The following TCF4 variants were observed in gnomAD, a reference collection of about 807,000 sequenced individuals.
TCF4 encodes SL3-3 enhancer factor 2.
In TCF4, 3 loss-of-function variants were observed where a neutral mutation model predicts 82.1. That is an observed-to-expected ratio of 0.04 (90% confidence interval 0.02 to 0.09). The LOEUF (loss-of-function observed/expected upper bound fraction) is 0.09, where lower values mean the gene tolerates loss of function less well. Among genes scored for constraint, TCF4 ranks in the 10% least tolerant of loss-of-function variants. TCF4 has a pLI of 1.00. For missense variants in TCF4, 518 were observed against 852.7 expected (o/e 0.61, Z 4.89); for synonymous variants, 276 against 309.6 (o/e 0.89, Z 1.14).
At chr18:55,528,312 T>C (rs1476072941) in intron 3 of TCF4, among the ~76,000 whole-genome samples, 1 of 152,162 alleles carries the variant, frequency 6.6e-6, no homozygotes, top group African/African-American at 2.4e-5. Flanking sequence ...ATCAATTTCA[T>C]TTAATAAAAA....
In TCF4 at chr18:55,586,159, C is replaced by G. The variant is rs373584993; in HGVS notation, c.73-807G>C. 5.7e-3 allele frequency: 723 copies of G among 127,504 alleles called. 14 individuals are homozygous for G. In the South Asian group the frequency reaches 0.058, roughly 10 times the overall value. The allele number at this position is 127,504 out of a possible 1,614,324, so 7.9% of individuals were successfully genotyped here. On this transcript the variant is annotated intron_variant, in intron 2 of 19. Coordinates refer to ENST00000354452, the MANE Select transcript of TCF4 (RefSeq NM_001083962.2). Reference sequence around the variant, plus strand: ...GAAGGAGGAGGAGGAGGAGGAGCAGCAGCAGCAGCAGCAGCAGCAGCAGCA... The same window carrying G: ...GAAGGAGGAGGAGGAGGAGGAGCAGGAGCAGCAGCAGCAGCAGCAGCAGCA...
intron 2 of TCF4, among the ~76,000 whole-genome samples, chr18:55,617,211 G>A (rs1263144018): frequency 1.3e-5 from 2 of 152,048 alleles, no homozygotes; most frequent in African/African-American, 4.8e-5. Context: ...TTTCCCCACT[G>A]TGTTTTGTTG....
chr18:55,440,839 T>C (rs912121302), intron 5 of TCF4, among the ~76,000 whole-genome samples: 5 of 152,208 alleles, frequency 3.3e-5, no homozygotes, highest in African/African-American at 1.2e-4. Flanking sequence ...AATTTCTTAC[T>C]GTGTGTCTAT....
chr18:55,320,549 T>C (rs1271542943), intron 8 of TCF4, among the ~76,000 whole-genome samples: 3 of 152,244 alleles, frequency 2.0e-5, no homozygotes, highest in Non-Finnish European at 2.9e-5. Flanking sequence ...TGCATGCATC[T>C]GTATGTATAT....
intron 3 of TCF4, among the ~76,000 whole-genome samples, chr18:55,526,970 C>A (rs2096991607): frequency 6.6e-6 from 1 of 152,172 alleles, no homozygotes; most frequent in Non-Finnish European, 1.5e-5. Context: ...CTCAATCCAC[C>A]AAGATGTTAG....
At chr18:55,270,233 AG>A (rs769395973) in intron 10 of TCF4, among the ~76,000 whole-genome samples, 41 of 152,150 alleles carry the variant, frequency 2.7e-4, no homozygotes, top group Non-Finnish European at 5.6e-4. Context: ...CGAAATCTAC[AG>A]ATTACTGCTT....
At chr18:55,493,365 T>A (rs2096595541) in intron 3 of TCF4, among the ~76,000 whole-genome samples, 1 of 152,182 alleles carries the variant, frequency 6.6e-6, no homozygotes, top group South Asian at 2.1e-4. Flanking sequence ...TTACAAATAA[T>A]ATCACTCTCT....
In TCF4 at chr18:55,390,859, C is replaced by T. The variant is rs576926102; in HGVS notation, c.369+12595G>A. Reference sequence around the variant, plus strand: ...AAATAAATCAAAGAATAATCCCTCCCTCTATACATAAAACTCCAAACTTAA... The same window carrying T: ...AAATAAATCAAAGAATAATCCCTCCTTCTATACATAAAACTCCAAACTTAA... On this transcript the variant is annotated intron_variant, in intron 6 of 19. Transcript: ENST00000354452. 7.9e-5 allele frequency among the ~76,000 whole-genome samples: 12 copies of T among 152,292 alleles called. No homozygotes were observed. In the East Asian group the frequency reaches 2.1e-3, roughly 27 times the overall value.
At chr18:55,250,892 G>A (rs2054859127) in intron 15 of TCF4, among the ~76,000 whole-genome samples, 1 of 152,118 alleles carries the variant, frequency 6.6e-6, no homozygotes, top group Non-Finnish European at 1.5e-5. Context: ...TGATTCATAG[G>A]GCTGTAAGAA....
At chr18:55,534,161 T>C (rs2097095106) in intron 3 of TCF4, among the ~76,000 whole-genome samples, 1 of 152,206 alleles carries the variant, frequency 6.6e-6, no homozygotes, top group Non-Finnish European at 1.5e-5. Context: ...ACAGTTTGCG[T>C]ACTTTGGAAC....
At position 55,541,207 on chromosome 18, in the gene TCF4, C is replaced by A. The variant is rs193241854; in HGVS notation, c.145+44073G>T. On this transcript the variant is annotated intron_variant, in intron 3 of 19. Transcript: ENST00000354452. ...TATCTTTAACATCATTTAACCTTCA[C>A]ATGGCATTTTATACTGCAAATTGCA... Among the ~76,000 whole-genome samples the A allele has an allele frequency of 1.2e-3, 189 of 152,116 alleles. 1 individual carries two copies. The highest frequency in any genetic ancestry group is 3.4e-3 in the Middle Eastern group (1 of 294).
At chr18:55,366,240 T>C (rs2087084616) in intron 6 of TCF4, among the ~76,000 whole-genome samples, 1 of 152,206 alleles carries the variant, frequency 6.6e-6, no homozygotes, top group African/African-American at 2.4e-5. Flanking sequence ...TTTCCCTCAA[T>C]TGAAAAATTC....
intron 5 of TCF4, among the ~76,000 whole-genome samples, chr18:55,433,195 T>C (rs563521934): frequency 5.1e-4 from 77 of 152,348 alleles, no homozygotes; most frequent in Non-Finnish European, 2.9e-4. Flanking sequence ...AACTGTGTGC[T>C]AAGCCCAAAA....
chr18:55,440,224 A>G (rs1569478585), intron 5 of TCF4, among the ~76,000 whole-genome samples: 1 of 152,258 alleles, frequency 6.6e-6, no homozygotes, highest in Non-Finnish European at 1.5e-5. Flanking sequence ...TTAACTAGAT[A>G]AAAACACACA....
chr18:55,345,772 G>C (rs1331909004), intron 8 of TCF4, among the ~76,000 whole-genome samples: 1 of 152,046 alleles, frequency 6.6e-6, no homozygotes, highest in African/African-American at 2.4e-5. Flanking sequence ...TCGTTCACTT[G>C]TGATCGATAT....
chr18:55,418,714 C>T (rs148766547), intron 5 of TCF4, among the ~76,000 whole-genome samples: 59 of 152,212 alleles, frequency 3.9e-4, no homozygotes, highest in African/African-American at 1.2e-3. Context: ...TTTGCCCAGG[C>T]CTACCTAAAT....
intron 10 of TCF4, among the ~76,000 whole-genome samples, chr18:55,271,488 T>A (rs1324475720): frequency 2.0e-5 from 3 of 152,132 alleles, no homozygotes; most frequent in African/African-American, 7.2e-5. Context: ...ATCTACGTAT[T>A]AGAGGTAGGA....
chr18:55,554,648 T>C (rs1480858499), intron 3 of TCF4, among the ~76,000 whole-genome samples: 1 of 152,204 alleles, frequency 6.6e-6, no homozygotes, highest in African/African-American at 2.4e-5. Flanking sequence ...ACAGATATTA[T>C]CACACTCTTC....
chr18:55,592,636 C>T (rs540260709), upstream of TCF4, among the ~76,000 whole-genome samples: 89 of 152,264 alleles, frequency 5.8e-4, 1 homozygote, highest in South Asian at 8.9e-3. Context: ...TGCCACATGA[C>T]TCCTTCTTGC....
Sources: gnomAD v4.1 joint callset for allele counts (sites outside exome capture counted in the v4.1 genomes callset) on GRCh38, gnomAD v4.1.1 for gene constraint, MANE v1.5 for transcripts, NCBI Gene and HGNC (gene_info 2026-07-23, HGNC 2026-07-21) for gene names.